The following PLCH1 variants were observed in gnomAD, a reference collection of about 807,000 sequenced individuals.
The protein encoded by PLCH1 is phospholipase C eta 1.
A neutral mutation model predicts 126.7 loss-of-function variants in PLCH1; 60 were observed. That is an observed-to-expected ratio of 0.47 (90% CI 0.38 to 0.59). The LOEUF is 0.59. Ranked by LOEUF, PLCH1 falls within the 20% of genes least tolerant of loss-of-function variation. The pLI, the probability that PLCH1 is intolerant of heterozygous loss-of-function variation, is 0.00. For missense variants in PLCH1, 1,723 were observed against 2,040.0 expected (o/e 0.84, Z 2.99); for synonymous variants, 719 against 734.9 (o/e 0.98, Z 0.35).
intron 18 of PLCH1, among the ~76,000 whole-genome samples, chr3:155,491,447 G>C (rs977808028): frequency 6.6e-6 from 1 of 151,960 alleles, no homozygotes. Flanking sequence ...AATTTTTGTA[G>C]AGATGGGGTT....
intron 6 of PLCH1, among the ~76,000 whole-genome samples, chr3:155,580,814 A>C (rs1283421463): frequency 6.6e-6 from 1 of 152,182 alleles, no homozygotes; most frequent in Non-Finnish European, 1.5e-5. Flanking sequence ...CAAACGTTAA[A>C]AAGCATGTTG....
chr3:155,459,291 G>A (rs1490742574), intron 21 of PLCH1, among the ~76,000 whole-genome samples: 1 of 152,158 alleles, frequency 6.6e-6, no homozygotes, highest in Non-Finnish European at 1.5e-5. Context: ...CAGGTGGTGG[G>A]ACCAGATCAT....
chr3:155,512,300 T>C (rs1034886811), intron 12 of PLCH1, among the ~76,000 whole-genome samples: 1 of 152,168 alleles, frequency 6.6e-6, no homozygotes, highest in African/African-American at 2.4e-5. Flanking sequence ...CACTGAATTA[T>C]TGAGTAAGAC....
In PLCH1 at chr3:155,583,704, G is replaced by A. The variant is rs1731000802; in HGVS notation, c.601-62C>T. On this transcript the variant is annotated intron_variant, in intron 5 of 22. Transcript: ENST00000460012. ...GTTAGAAATAGGAAATTCAGTACTG[G>A]GAAATAATATTTACTATAAAAGAGC... 3.4e-6 allele frequency: 4 copies of A among 1,171,854 alleles called. No individual in the cohort carries two copies. The South Asian group carries it at 4.9e-5, about 14-fold the overall frequency. 72.6% of individuals were successfully genotyped at this position (1,171,854 alleles called of 1,614,324 possible). A position where few individuals can be genotyped will look rare whatever the true frequency, so the allele number is the denominator to read the frequency against.
chr3:155,731,894 G>T (rs1177342954), intron 1 of PLCH1, among the ~76,000 whole-genome samples: 1 of 149,606 alleles, frequency 6.7e-6, no homozygotes, highest in Non-Finnish European at 1.5e-5. Context: ...GAGGTGGCAG[G>T]ATCACTTGAT....
rs544158770 is a variant in PLCH1, at chr3:155,583,755, C to T, written c.601-113G>A. On this transcript the variant is annotated intron_variant, in intron 5 of 22. Transcript: ENST00000460012. ...TAGTACACAAATCCCAAGAGGTGAGCACACATTCTCTTCGAGCACACATTC... is the reference window on the plus strand; with the variant it reads ...TAGTACACAAATCCCAAGAGGTGAGTACACATTCTCTTCGAGCACACATTC... The T allele has an allele frequency of 3.2e-5, 21 of 652,334 alleles. No homozygotes were observed. In the South Asian group the frequency reaches 4.6e-4, roughly 14 times the overall value. 40.4% of individuals were successfully genotyped at this position (652,334 alleles called of 1,614,324 possible).
At chr3:155,488,627 C>T in intron 20 of PLCH1, 33 bp downstream of exon 20, 1 of 1,554,174 alleles carries the variant, frequency 6.4e-7, no homozygotes, top group Non-Finnish European at 8.7e-7. Context: ...AAGGAATGGT[C>T]AGTCTAGAGA....
At chr3:155,742,983 T>C in intron 1 of PLCH1, 1 of 238,888 alleles carries the variant, frequency 4.2e-6, no homozygotes, top group Non-Finnish European at 8.4e-6. Flanking sequence ...TGCCACACTT[T>C]ATCCCAAGAA....
At chr3:155,496,921 C>G (rs1717118010) in intron 15 of PLCH1, among the ~76,000 whole-genome samples, 1 of 152,210 alleles carries the variant, frequency 6.6e-6, no homozygotes, top group Non-Finnish European at 1.5e-5. Context: ...TAGGGCTTTT[C>G]AAGGTGTGAT....
chr3:155,538,618 C>T (rs1021853885), intron 10 of PLCH1, among the ~76,000 whole-genome samples: 3 of 152,078 alleles, frequency 2.0e-5, no homozygotes, highest in African/African-American at 7.2e-5. Context: ...ATACTATGAA[C>T]ACCTTTACAT....
chr3:155,735,053 C>T (rs1749072606), intron 1 of PLCH1, among the ~76,000 whole-genome samples: 1 of 152,108 alleles, frequency 6.6e-6, no homozygotes, highest in Non-Finnish European at 1.5e-5. Context: ...GAAGGAAATC[C>T]TATCATTTGC....
intron 2 of PLCH1, among the ~76,000 whole-genome samples, chr3:155,603,153 A>ACAAC (rs34174859): frequency 3.3e-5 from 5 of 151,526 alleles, no homozygotes; most frequent in Non-Finnish European, 5.9e-5. Flanking sequence ...AACAACAACA[A>ACAAC]AAAAAAAAGT....
chr3:155,733,943 A>ATATATG (rs1215261651), intron 1 of PLCH1, among the ~76,000 whole-genome samples: 8 of 59,170 alleles, frequency 1.4e-4, no homozygotes, highest in African/African-American at 3.6e-4. Context: ...ACATATATAT[A>ATATATG]TATATATATA....
At chr3:155,563,915 T>C (rs1293093799) in intron 8 of PLCH1, among the ~76,000 whole-genome samples, 1 of 152,042 alleles carries the variant, frequency 6.6e-6, no homozygotes, top group Non-Finnish European at 1.5e-5. Flanking sequence ...CGGTGAAATT[T>C]TCACATTGTT....
chr3:155,542,230 T>C (rs1194786772), intron 10 of PLCH1, among the ~76,000 whole-genome samples: 1 of 152,140 alleles, frequency 6.6e-6, no homozygotes, highest in Non-Finnish European at 1.5e-5. Flanking sequence ...ACCAGGAGAT[T>C]ATATCCCGCA....
At chr3:155,511,962 C>T (rs1440657939) in intron 12 of PLCH1, among the ~76,000 whole-genome samples, 1 of 152,006 alleles carries the variant, frequency 6.6e-6, no homozygotes, top group Non-Finnish European at 1.5e-5. Context: ...TCATTGCCGC[C>T]TTGCAGTTTG....
intron 1 of PLCH1, among the ~76,000 whole-genome samples, chr3:155,708,800 A>G (rs1348428683): frequency 6.6e-6 from 1 of 152,182 alleles, no homozygotes; most frequent in African/African-American, 2.4e-5. Flanking sequence ...ATAATATGTT[A>G]CACATTCAGA....
chr3:155,727,753 A>G (rs1748452593), intron 1 of PLCH1, among the ~76,000 whole-genome samples: 1 of 152,144 alleles, frequency 6.6e-6, no homozygotes, highest in East Asian at 1.9e-4. Flanking sequence ...GGTATTGTAA[A>G]TTCCAGATGC....
In PLCH1 at chr3:155,562,799, C is replaced by T. The variant is rs116049961; in HGVS notation, c.1069+2116G>A. Among the ~76,000 whole-genome samples, 131 of 152,250 alleles carry T rather than the reference C, an allele frequency of 8.6e-4. 1 individual carries two copies. The highest frequency in any genetic ancestry group is 1.8e-3 in the Admixed American group (28 of 15,284). On this transcript the variant is annotated intron_variant, in intron 8 of 22. Transcript: ENST00000460012. ...ATGCGCCCTTTCAAAAATCTCTTGT[C>T]CCCTTTATTCCACCTGAAAACAAAC...
Sources: allele counts gnomAD v4.1 joint callset (sites outside exome capture counted in the v4.1 genomes callset), GRCh38; gene constraint gnomAD v4.1.1; transcripts MANE v1.5; gene names NCBI Gene and HGNC (gene_info 2026-07-23, HGNC 2026-07-21).